Variants in KDM5C observed in about 807,000 individuals in gnomAD.
KDM5C encodes the protein lysine-specific demethylase 5C.
A neutral mutation model predicts 110.6 loss-of-function variants in KDM5C; 16 were observed. That is an observed-to-expected ratio of 0.14 (90% CI 0.10 to 0.22). The LOEUF is 0.22. Ranked by LOEUF, KDM5C falls within the 10% of genes least tolerant of loss-of-function variation. KDM5C has a pLI of 1.00. For synonymous variants in KDM5C, 511 were observed against 520.4 expected (o/e 0.98, Z 0.24); for missense variants, 681 against 1,300.9 (o/e 0.52, Z 7.33).
In KDM5C at chrX:53,192,869, A is replaced by ACACCCCCCCCC; in HGVS notation, c.*97_*98insGGGGGGGGGTG. 1 of 179,884 alleles carries ACACCCCCCCCC rather than the reference A, an allele frequency of 5.6e-6. No homozygotes were observed. The highest frequency in any genetic ancestry group is 6.4e-5 in the African/African-American group (1 of 15,511). The allele number at this position is 179,884 out of a possible 1,213,427, so 14.8% of individuals were successfully genotyped here. A position where few individuals can be genotyped will look rare whatever the true frequency, so the allele number is the denominator to read the frequency against. On this transcript the variant is annotated 3_prime_UTR_variant, in exon 26 of 26. Coordinates refer to ENST00000375401, the MANE Select transcript of KDM5C (RefSeq NM_004187.5). ...GGGTAGCAGGGATGGCCACCCCCCT[A>ACACCCCCCCCC]CCCGCCCACCCCCCAAGAAGCAGGC... is the stretch of plus-strand genomic sequence containing the variant.
intron 1 of KDM5C, among the ~76,000 whole-genome samples, chrX:53,223,004 C>T (rs1396545426): frequency 8.9e-6 from 1 of 111,922 alleles, no homozygotes; most frequent in East Asian, 2.8e-4. Context: ...AAAAACAAAA[C>T]CAAACCAGAG....
chrX:53,181,403 C>G (rs1934044007), intron 25 of KDM5C, among the ~76,000 whole-genome samples: 1 of 110,544 alleles, frequency 9.0e-6, no homozygotes, highest in South Asian at 3.8e-4. Context: ...CACTGAGTTT[C>G]CCCTGGCAGC....
At position 53,184,297 on chromosome X, in the gene KDM5C, T is replaced by C. The variant is rs782230817; in HGVS notation, c.4309-7675A>G. On this transcript the variant is annotated intron_variant, in intron 25 of 25. Transcript: ENST00000685641. ...TTCTGTCACCTAGGCTGGAATGCAG[T>C]GGCATGATCATAGCTCACTACAGCC... is the stretch of plus-strand genomic sequence containing the variant. 8.1e-5 allele frequency among the ~76,000 whole-genome samples: 9 copies of C among 111,623 alleles called. 1 individual carries two copies. Among genetic ancestry groups the C allele is most frequent in the Non-Finnish European group, 1.5e-4 (8 of 53,116 alleles).
rs781904085 is a variant in KDM5C at position 53,208,725 on chromosome X, G to A, written c.1746+1689C>T. ...TCACCATGTTGGCCAGGCTGGTCTC[G>A]AACTCCTGACCTCAGGTGATCCGGC... On this transcript the variant is annotated intron_variant, in intron 12 of 25. Coordinates refer to ENST00000375401, the MANE Select transcript of KDM5C (RefSeq NM_004187.5). Among the ~76,000 whole-genome samples the A allele has an allele frequency of 6.9e-5, 7 of 101,228 alleles. No homozygotes were observed. The East Asian group carries it at 1.2e-3, about 18-fold the overall frequency. The allele number at this position is 101,228 out of a possible 115,157, so 87.9% of individuals were successfully genotyped here.
intron 2 of KDM5C, among the ~76,000 whole-genome samples, chrX:53,219,859 G>A (rs952443723): frequency 7.1e-5 from 8 of 111,930 alleles, no homozygotes; most frequent in African/African-American, 1.9e-4. Flanking sequence ...GTCATGCTAG[G>A]CAACATCTTG....
intron 1 of KDM5C, among the ~76,000 whole-genome samples, chrX:53,223,292 C>T (rs1301762486): frequency 1.8e-5 from 2 of 111,758 alleles, no homozygotes; most frequent in Non-Finnish European, 3.8e-5. Context: ...AGGACTCCTG[C>T]CTCTCCCTTC....
chrX:53,189,861 A>ACACACTTACACTGTGTCTC (rs1934347921), downstream of KDM5C, among the ~76,000 whole-genome samples: 1 of 112,012 alleles, frequency 8.9e-6, no homozygotes, highest in Non-Finnish European at 1.9e-5. Flanking sequence ...TGTGTTTCAG[A>ACACACTTACACTGTGTCTC]CACCAGGTAA....
At chrX:53,186,054 T>C (rs1556828094) in intron 25 of KDM5C, among the ~76,000 whole-genome samples, 1 of 112,100 alleles carries the variant, frequency 8.9e-6, no homozygotes, top group African/African-American at 3.2e-5. Context: ...ATATTGGTTC[T>C]GAATTAATGT....
chrX:53,193,618 G>A lies in KDM5C; in HGVS notation c.4136C>T (p.Ser1379Leu), dbSNP rs2146815694. The A allele has an allele frequency of 4.1e-6, 5 of 1,211,903 alleles. No homozygotes were observed. The highest frequency in any genetic ancestry group is 3.5e-5 in the South Asian group (2 of 56,983). ...AGGGCCAGTCAACTGTGGCAACAGC[G>A]AGGACAGCAGCTCCAGATCTAGGAG... is the stretch of plus-strand genomic sequence containing the variant. ...SGKRDLELLS[S>L]LLPQLTGPVL... The change falls in exon 25 of 26, where the codon TCG becomes TTG. Residue 1379 changes from serine (S) to leucine (L), a missense_variant. Physicochemically the swap from Ser to Leu is moderately radical, Grantham distance 145. Transcript: ENST00000375401.
At chrX:53,183,778 T>A (rs1320722361) in intron 25 of KDM5C, among the ~76,000 whole-genome samples, 2 of 110,783 alleles carry the variant, frequency 1.8e-5, no homozygotes, top group Admixed American at 1.9e-4. Context: ...TTTCACCATG[T>A]TGGCCAGGCT....
chrX:53,197,750 C>G lies in KDM5C; in HGVS notation c.2622+21G>C, dbSNP rs184501006. 52 of 1,151,585 alleles carry G rather than the reference C, an allele frequency of 4.5e-5. No homozygotes were observed. In the East Asian group the frequency reaches 1.5e-3, roughly 34 times the overall value. The allele number at this position is 1,151,585 out of a possible 1,213,427, so 94.9% of individuals were successfully genotyped here. Reference sequence around the variant, plus strand: ...TCCCCTGGTCCCCTTGATCCCTCATCAGCACTCCAAGCGTCCTCACCTTGA... The same window carrying G: ...TCCCCTGGTCCCCTTGATCCCTCATGAGCACTCCAAGCGTCCTCACCTTGA... On this transcript the variant is annotated intron_variant, in intron 18 of 25. Transcript: ENST00000375401.
At chrX:53,201,460 C>T in intron 14 of KDM5C, 90 bp downstream of exon 14, 2 of 889,040 alleles carry the variant, frequency 2.2e-6, no homozygotes, top group East Asian at 3.1e-5. Flanking sequence ...CACTATACGC[C>T]AAGAGTAGAG....
At chrX:53,198,432 T>C in intron 17 of KDM5C, 58 bp downstream of exon 17, 2 of 1,156,644 alleles carry the variant, frequency 1.7e-6, no homozygotes, top group Non-Finnish European at 2.3e-6. Flanking sequence ...GCAGCACTTT[T>C]CCTCGGTGCT....
In KDM5C at chrX:53,198,711, A is replaced by C; in HGVS notation, c.2368+53T>G. The C allele has an allele frequency of 4.1e-6, 5 of 1,211,743 alleles. No homozygotes were observed. The Admixed American group carries it at 1.1e-4, about 26-fold the overall frequency. ...CAGAGGAAGGGGGTCAGAGTACAGA[A>C]GAAAGGGAATAGAACTTGCCTGTGG... On this transcript the variant is annotated intron_variant, in intron 16 of 25. Transcript: ENST00000375401.
chrX:53,220,458 T>C (rs1195514593), intron 2 of KDM5C, among the ~76,000 whole-genome samples: 2 of 112,093 alleles, frequency 1.8e-5, no homozygotes, highest in African/African-American at 6.5e-5. Context: ...TGTGGATGAA[T>C]TGGATATATG....
In KDM5C at chrX:53,194,988, T is replaced by C. The variant is rs370000816; in HGVS notation, c.3381A>G (p.Lys1127=). 42 of 1,209,042 alleles carry C rather than the reference T, an allele frequency of 3.5e-5. No individual in the cohort carries two copies. The African/African-American group carries it at 5.6e-4, about 16-fold the overall frequency. ...ACAGCCCCAGCAGCTCTGTGTCAGA[T>C]TTGTACAACCCCAGCTCCTTCTCCA... ...RWMEKELGLY[K]SDTELLGLSA... is the part of the protein sequence containing the mutation. The change falls in exon 22 of 26, where the codon AAA becomes AAG. Residue 1127 remains lysine, a synonymous_variant. Coordinates refer to ENST00000375401, the MANE Select transcript of KDM5C (RefSeq NM_004187.5).
In KDM5C at chrX:53,192,739, A is replaced by AGAGGCTACCAGGGAGGG; in HGVS notation, c.*211_*227dup. 8.8e-7 allele frequency: 1 copy of AGAGGCTACCAGGGAGGG among 1,141,948 alleles called. No individual in the cohort carries two copies. Among genetic ancestry groups the AGAGGCTACCAGGGAGGG allele is most frequent in the Non-Finnish European group, 1.2e-6 (1 of 858,513 alleles). 94.1% of individuals were successfully genotyped at this position (1,141,948 alleles called of 1,213,427 possible). ...CCTCAGGTGTCTGGGAATGCTGGTT[A>AGAGGCTACCAGGGAGGG]GAGGCTACCAGGGAGGGAAGACTCC... On this transcript the variant is annotated 3_prime_UTR_variant, in exon 26 of 26. Coordinates refer to ENST00000375401, the MANE Select transcript of KDM5C (RefSeq NM_004187.5).
chrX:53,181,912 C>A (rs782443796), intron 25 of KDM5C, among the ~76,000 whole-genome samples: 1 of 109,139 alleles, frequency 9.2e-6, no homozygotes, highest in Admixed American at 9.7e-5. Context: ...CCTCAGCCTC[C>A]CGAGTAGCTG....
In KDM5C at chrX:53,194,681, G is replaced by A. The variant is rs372624621; in HGVS notation, c.3496C>T (p.Arg1166Cys). 32 of 1,209,274 alleles carry A rather than the reference G, an allele frequency of 2.6e-5. No individual in the cohort carries two copies. The African/African-American group carries it at 3.3e-4, about 13-fold the overall frequency. ...GGACTGGGCTTGGCCGAATTGGTGC[G>A]ACGCAGCTGCAGGATACCCTCCTTC... ...KEKEGILQLR[R>C]TNSAKPSPLA... Residue 1166 changes from arginine to cysteine, a missense_variant, in exon 23 of 26, where the codon CGC becomes TGC. Coordinates refer to ENST00000375401, the MANE Select transcript of KDM5C (RefSeq NM_004187.5).
Sources: gnomAD v4.1 joint callset for allele counts (sites outside exome capture counted in the v4.1 genomes callset) on GRCh38, gnomAD v4.1.1 for gene constraint, MANE v1.5 for transcripts, NCBI Gene and HGNC (gene_info 2026-07-23, HGNC 2026-07-21) for gene names.